Variants in TPD52L2 observed in about 807,000 individuals in gnomAD.
The protein encoded by TPD52L2 is TPD52 like 2, also known as tumor protein D54.
TPD52L2 carries 19 observed loss-of-function variants against 24.7 expected under a neutral mutation model. That is an observed-to-expected ratio of 0.77 (90% CI 0.54 to 1.13). The LOEUF (loss-of-function observed/expected upper bound fraction) is 1.13. Among genes scored for constraint, TPD52L2 ranks in the 50% most tolerant of loss-of-function variants. The pLI is 0.00. For missense variants in TPD52L2, 236 were observed against 250.4 expected, an observed-to-expected ratio of 0.94 and a Z score of 0.39; for synonymous variants, 104 against 100.2, an observed-to-expected ratio of 1.04 and a Z score of -0.23.
intron 5 of TPD52L2, chr20:63,887,769 A>C: frequency 1.5e-6 from 1 of 688,888 alleles, no homozygotes; most frequent in South Asian, 1.7e-5. Context: ...AACCCCCTCT[A>C]GGCTGACGAG....
At chr20:63,882,416 G>T (rs2052934505) in intron 4 of TPD52L2, among the ~76,000 whole-genome samples, 1 of 152,260 alleles carries the variant, frequency 6.6e-6, no homozygotes, top group African/African-American at 2.4e-5. Context: ...TCAGGCAAGG[G>T]GGTGAAATTG....
intron 3 of TPD52L2, among the ~76,000 whole-genome samples, chr20:63,875,427 A>G (rs1356223188): frequency 2.0e-5 from 3 of 152,316 alleles, no homozygotes; most frequent in East Asian, 1.9e-4. Flanking sequence ...AACAGGTCAC[A>G]TTTCATAAAT....
At position 63,865,302 on chromosome 20, in the gene TPD52L2, T is replaced by G. The variant is rs927683459; in HGVS notation, c.-64T>G. ...CTGGCTAGTGTGTACGCGGCGAGCT[T>G]CTCCCGGCGCCGCCCGCTCGGCTCC... On this transcript the variant is annotated 5_prime_UTR_variant, in exon 1 of 7. Coordinates refer to ENST00000346249, the MANE Select transcript of TPD52L2 (RefSeq NM_003288.4). 4.7e-6 allele frequency: 7 copies of G among 1,489,122 alleles called. No individual in the cohort carries two copies. Among genetic ancestry groups the G allele is most frequent in the Non-Finnish European group, 5.3e-6 (6 of 1,125,232 alleles). The allele number at this position is 1,489,122 out of a possible 1,614,324, so 92.2% of individuals were successfully genotyped here. A position where few individuals can be genotyped will look rare whatever the true frequency, so the allele number is the denominator to read the frequency against.
intron 5 of TPD52L2, 65 bp from the exon 6 acceptor site, chr20:63,889,125 C>A: frequency 6.8e-7 from 1 of 1,471,760 alleles, no homozygotes; most frequent in Non-Finnish European, 9.5e-7. Context: ...TGAGGCCCTT[C>A]CGAGTTAGGA....
chr20:63,869,714 A>G (rs2052390004), intron 2 of TPD52L2, among the ~76,000 whole-genome samples: 1 of 152,190 alleles, frequency 6.6e-6, no homozygotes, highest in Non-Finnish European at 1.5e-5. Flanking sequence ...GTGTTCACAC[A>G]TGAACCGCCT....
chr20:63,869,433 C>A lies in TPD52L2; in HGVS notation c.157C>A (p.Leu53Ile). ...EAEEEELRAELTKVEEEIVTL... is the reference protein window; with the variant it reads ...EAEEEELRAEITKVEEEIVTL... ...TGAGGAGGAGGAGCTCAGGGCTGAG[C>A]TTACCAAGGTGCTGTGGCTTGGCTG... is the stretch of plus-strand genomic sequence containing the variant. Residue 53 changes from leucine (L) to isoleucine (I), a missense_variant, in exon 2 of 7, where the codon CTT becomes ATT. Physicochemically the swap from Leu to Ile is conservative, Grantham distance 5. Coordinates refer to ENST00000346249, the MANE Select transcript of TPD52L2 (RefSeq NM_003288.4). 6.2e-7 allele frequency: 1 copy of A among 1,614,136 alleles called. No individual in the cohort carries two copies. Among genetic ancestry groups the A allele is most frequent in the South Asian group, 1.1e-5 (1 of 91,084 alleles).
intron 4 of TPD52L2, among the ~76,000 whole-genome samples, chr20:63,879,274 G>C (rs1168394658): frequency 6.6e-6 from 1 of 152,194 alleles, no homozygotes. Flanking sequence ...CCCGAGCAAT[G>C]CTGAGGGCTG....
At position 63,874,363 on chromosome 20, in the gene TPD52L2, C is replaced by CTT. The variant is rs369640456; in HGVS notation, c.314+560_314+561dup. Reference sequence around the variant, plus strand: ...CCAAAGTGCTGGCCACCACGCTGGCCTTTTTTTTTTTTTTATTATTATTCT... The same window carrying CTT: ...CCAAAGTGCTGGCCACCACGCTGGCCTTTTTTTTTTTTTTTTATTATTATTCT... On this transcript the variant is annotated intron_variant, in intron 3 of 6. Transcript: ENST00000346249. 3.5e-3 allele frequency among the ~76,000 whole-genome samples: 468 copies of CTT among 133,376 alleles called. 8 individuals are homozygous for CTT. Among genetic ancestry groups the CTT allele is most frequent in the Admixed American group, 0.019 (246 of 13,132 alleles). The allele number at this position is 133,376 out of a possible 152,430, so 87.5% of individuals were successfully genotyped here.
intron 5 of TPD52L2, 27 bp from the exon 6 acceptor site, chr20:63,889,163 C>CT (rs1193869750): frequency 6.2e-7 from 1 of 1,610,770 alleles, no homozygotes; most frequent in Non-Finnish European, 8.5e-7. Flanking sequence ...CCTCTTGACA[C>CT]CGACACTCTT....
At position 63,890,051 on chromosome 20, in the gene TPD52L2, G is replaced by A. The variant is rs759942517; in HGVS notation, c.*106G>A. 4 of 1,559,174 alleles carry A rather than the reference G, an allele frequency of 2.6e-6. No individual in the cohort carries two copies. The highest frequency in any genetic ancestry group is 2.4e-5 in the East Asian group (1 of 42,352). Reference sequence around the variant, plus strand: ...CCAGCCAGGGCGGATGAGCAGAGCCGGCCCTGAGGACAGTCCTGCCCATCC... The same window carrying A: ...CCAGCCAGGGCGGATGAGCAGAGCCAGCCCTGAGGACAGTCCTGCCCATCC... On this transcript the variant is annotated 3_prime_UTR_variant, in exon 7 of 7. Transcript: ENST00000346249.
At chr20:63,867,709 A>G (rs1391509893) in intron 1 of TPD52L2, among the ~76,000 whole-genome samples, 1 of 151,944 alleles carries the variant, frequency 6.6e-6, no homozygotes, top group East Asian at 1.9e-4. Flanking sequence ...TAAGAAGAGT[A>G]TCTTTGTTAA....
chr20:63,869,123 T>TG (rs1348037124), intron 1 of TPD52L2, among the ~76,000 whole-genome samples, 173 bp from the exon 2 acceptor site: 1 of 152,214 alleles, frequency 6.6e-6, no homozygotes, highest in African/African-American at 2.4e-5. Context: ...GTCTGAGGTG[T>TG]GGCTGCCCTC....
At chr20:63,874,207 G>A (rs374540891) in intron 3 of TPD52L2, among the ~76,000 whole-genome samples, 3 of 146,694 alleles carry the variant, frequency 2.0e-5, no homozygotes, top group East Asian at 2.1e-4. Flanking sequence ...GCCTCCCACC[G>A]CGCCCGGCTG....
At chr20:63,884,363 G>T (rs1250357722) in intron 5 of TPD52L2, among the ~76,000 whole-genome samples, 2 of 152,194 alleles carry the variant, frequency 1.3e-5, no homozygotes, top group African/African-American at 4.8e-5. Context: ...AGTAACAGGT[G>T]TTTGTTGTGC....
At chr20:63,886,180 G>A in intron 5 of TPD52L2, 1 of 854,214 alleles carries the variant, frequency 1.2e-6, no homozygotes, top group Non-Finnish European at 2.0e-6. Context: ...AGCAGTGCCA[G>A]CCAGGTGGTT....
At position 63,890,073 on chromosome 20, in the gene TPD52L2, A is replaced by G. The variant is rs966022449; in HGVS notation, c.*128A>G. ...GCCGGCCCTGAGGACAGTCCTGCCC[A>G]TCCACGCGGAGATGTGGCTGCCGCG... On this transcript the variant is annotated 3_prime_UTR_variant, in exon 7 of 7. Transcript: ENST00000346249. 1 of 1,520,640 alleles carries G rather than the reference A, an allele frequency of 6.6e-7. No individual in the cohort carries two copies. The highest frequency in any genetic ancestry group is 8.8e-7 in the Non-Finnish European group (1 of 1,132,460). 94.2% of individuals were successfully genotyped at this position (1,520,640 alleles called of 1,614,324 possible). A position where few individuals can be genotyped will look rare whatever the true frequency, so the allele number is the denominator to read the frequency against.
chr20:63,878,330 T>G (rs549345820), intron 4 of TPD52L2, among the ~76,000 whole-genome samples: 1 of 152,228 alleles, frequency 6.6e-6, no homozygotes, highest in South Asian at 2.1e-4. Flanking sequence ...AGCTGTGTTC[T>G]GCGAGTGGTG....
chr20:63,886,624 C>T (rs2053127638), intron 5 of TPD52L2, among the ~76,000 whole-genome samples: 1 of 151,582 alleles, frequency 6.6e-6, no homozygotes, highest in Admixed American at 6.6e-5. Context: ...GCTGGGATTA[C>T]AAGCGTGAGC....
In TPD52L2 at chr20:63,890,028, A is replaced by C; in HGVS notation, c.*83A>C. 1.3e-6 allele frequency: 2 copies of C among 1,588,814 alleles called. No individual in the cohort carries two copies. Among genetic ancestry groups the C allele is most frequent in the Non-Finnish European group, 1.7e-6 (2 of 1,168,714 alleles). ...CGCAGCTCTGTTCAGCGGAGCAGCC[A>C]GCCAGGGCGGATGAGCAGAGCCGGC... On this transcript the variant is annotated 3_prime_UTR_variant, in exon 7 of 7. Coordinates refer to ENST00000346249, the MANE Select transcript of TPD52L2 (RefSeq NM_003288.4).
Sources: allele counts gnomAD v4.1 joint callset (sites outside exome capture counted in the v4.1 genomes callset), GRCh38; gene constraint gnomAD v4.1.1; transcripts MANE v1.5; gene names NCBI Gene and HGNC (gene_info 2026-07-23, HGNC 2026-07-21).